Variants in RBFOX3 observed in about 807,000 individuals in gnomAD.
RBFOX3 encodes the protein RNA binding protein fox-1 homolog 3.
RBFOX3 carries 17 observed loss-of-function variants against 48.7 expected under a neutral mutation model. The ratio of observed to expected loss-of-function variants is 0.35; its 90% CI spans 0.24 to 0.52. The LOEUF is 0.52. RBFOX3 is among the 20% of genes least tolerant of loss of function. The pLI is 0.94. For missense variants in RBFOX3, 382 were observed against 497.5 expected (o/e 0.77, Z 2.21); for synonymous variants, 212 against 209.5 (o/e 1.01, Z -0.10).
intron 2 of RBFOX3, among the ~76,000 whole-genome samples, chr17:79,345,582 A>G (rs79118827): frequency 6.6e-6 from 1 of 152,170 alleles, no homozygotes; most frequent in Non-Finnish European, 1.5e-5. Flanking sequence ...GAGGTTAAAC[A>G]TCTCTTTTTA....
At chr17:79,102,609 G>A (rs1476284326) in intron 8 of RBFOX3, among the ~76,000 whole-genome samples, 4 of 152,222 alleles carry the variant, frequency 2.6e-5, no homozygotes, top group African/African-American at 9.6e-5. Context: ...GGGTGTCAGG[G>A]AGGGACCCAG....
At chr17:79,436,391 G>GAGT (rs2069459357) in intron 2 of RBFOX3, among the ~76,000 whole-genome samples, 1 of 152,260 alleles carries the variant, frequency 6.6e-6, no homozygotes, top group Non-Finnish European at 1.5e-5. Context: ...ACCTAAGCAT[G>GAGT]AGTACGGTTG....
intron 3 of RBFOX3, among the ~76,000 whole-genome samples, chr17:79,287,987 C>T (rs1005549790): frequency 6.6e-6 from 1 of 152,206 alleles, no homozygotes; most frequent in African/African-American, 2.4e-5. Flanking sequence ...GCTGCAACCC[C>T]TCTCGGGCTC....
chr17:79,202,398 C>T (rs902035427), intron 4 of RBFOX3, among the ~76,000 whole-genome samples: 7 of 152,150 alleles, frequency 4.6e-5, no homozygotes, highest in Admixed American at 2.0e-4. Flanking sequence ...TCTGTGCTCA[C>T]GGCAGACCAC....
chr17:79,237,100 C>T (rs150868876), intron 3 of RBFOX3, among the ~76,000 whole-genome samples: 210 of 152,274 alleles, frequency 1.4e-3, no homozygotes, highest in African/African-American at 4.9e-3. Context: ...AAAGAATATC[C>T]ATACCTGTTA....
chr17:79,407,920 C>T (rs2063759591), intron 2 of RBFOX3, among the ~76,000 whole-genome samples: 1 of 152,218 alleles, frequency 6.6e-6, no homozygotes. Flanking sequence ...CCAGCACTGG[C>T]CTGGAGTCGG....
rs1453588077 is a variant in RBFOX3 at position 79,390,495 on chromosome 17, T to A, written c.-174-82671A>T. Among the ~76,000 whole-genome samples the A allele has an allele frequency of 1.4e-5, 2 of 139,584 alleles. No individual in the cohort carries two copies. The highest frequency in any genetic ancestry group is 2.6e-5 in the African/African-American group (1 of 38,444). The allele number at this position is 139,584 out of a possible 152,430, so 91.6% of individuals were successfully genotyped here. A position where few individuals can be genotyped will look rare whatever the true frequency, so the allele number is the denominator to read the frequency against. ...CGCCACTGCTTTTTTTTTTTTTTTT[T>A]AGATGGAGTCTCGCTCTTGTCGCCC... On this transcript the variant is annotated intron_variant, in intron 2 of 14. Coordinates refer to ENST00000693108, the MANE Select transcript of RBFOX3 (RefSeq NM_001350451.2). The surrounding 1 kb of genome is among the most constrained non-coding windows in gnomAD (Gnocchi z 4.2).
upstream of RBFOX3, among the ~76,000 whole-genome samples, chr17:79,614,879 C>T (rs2093988006): frequency 6.6e-6 from 1 of 151,936 alleles, no homozygotes; most frequent in East Asian, 1.9e-4. Flanking sequence ...TCACGAGGCT[C>T]AACACAAAAG....
At chr17:79,519,352 C>T (rs888612993) in intron 1 of RBFOX3, among the ~76,000 whole-genome samples, 1 of 152,236 alleles carries the variant, frequency 6.6e-6, no homozygotes, top group Non-Finnish European at 1.5e-5. Context: ...AAAGGTGTGT[C>T]CTGCAAGTCC....
chr17:79,302,497 T>G (rs892429138), intron 3 of RBFOX3, among the ~76,000 whole-genome samples: 1 of 152,202 alleles, frequency 6.6e-6, no homozygotes, highest in East Asian at 1.9e-4. Context: ...CTGGCCAACA[T>G]GGTGAAACCC....
intron 2 of RBFOX3, among the ~76,000 whole-genome samples, chr17:79,393,299 C>A (rs553368591): frequency 2.6e-4 from 40 of 152,250 alleles, no homozygotes; most frequent in Non-Finnish European, 5.7e-4. Context: ...ACACCCCAAC[C>A]CCACACTTCC....
intron 4 of RBFOX3, among the ~76,000 whole-genome samples, chr17:79,154,656 G>A (rs567214173): frequency 1.3e-5 from 2 of 152,340 alleles, no homozygotes; most frequent in East Asian, 1.9e-4. Flanking sequence ...CGCCCTGCCC[G>A]GTCCCCACGT....
In RBFOX3 at chr17:79,107,759, C is replaced by T. The variant is rs372511339; in HGVS notation, c.223-971G>A. Among the ~76,000 whole-genome samples the T allele has an allele frequency of 3.3e-5, 5 of 152,366 alleles. No homozygotes were observed. In the South Asian group the frequency reaches 8.3e-4, roughly 25 times the overall value. On this transcript the variant is annotated intron_variant, in intron 5 of 14. Coordinates refer to ENST00000693108, the MANE Select transcript of RBFOX3 (RefSeq NM_001350451.2). ...CCTCTACAGGCCAGTTCCATGGATGCAGCCAAACCGCAGGTGCCAGCCTCG... is the reference window on the plus strand; with the variant it reads ...CCTCTACAGGCCAGTTCCATGGATGTAGCCAAACCGCAGGTGCCAGCCTCG...
intron 1 of RBFOX3, among the ~76,000 whole-genome samples, chr17:79,543,616 G>A (rs1301454178): frequency 6.6e-6 from 1 of 152,144 alleles, no homozygotes; most frequent in Non-Finnish European, 1.5e-5. Flanking sequence ...CCGAGGAAAA[G>A]GAATAAACAA....
At chr17:79,590,156 T>C (rs1330623728) in intron 1 of RBFOX3, among the ~76,000 whole-genome samples, 1 of 151,992 alleles carries the variant, frequency 6.6e-6, no homozygotes, top group Non-Finnish European at 1.5e-5. Context: ...CACACACTTC[T>C]TTACCATCCC....
At chr17:79,092,330 A>G in intron 14 of RBFOX3, 1 of 985,560 alleles carries the variant, frequency 1.0e-6, no homozygotes, top group Non-Finnish European at 1.2e-6. Context: ...GTAGTACAAC[A>G]TCAACAAAGT....
At chr17:79,237,626 T>A (rs905792909) in intron 3 of RBFOX3, among the ~76,000 whole-genome samples, 1 of 152,200 alleles carries the variant, frequency 6.6e-6, no homozygotes, top group Non-Finnish European at 1.5e-5. Context: ...CAGATCACAG[T>A]GGCAGTATTG....
chr17:79,177,209 T>TCCCC (rs58684385), intron 4 of RBFOX3, among the ~76,000 whole-genome samples: 5 of 149,732 alleles, frequency 3.3e-5, no homozygotes, highest in African/African-American at 1.2e-4. Context: ...CCTCCTCCTC[T>TCCCC]CCCCCCCCGC....
chr17:79,090,950 G>A (rs1258177717), intron 14 of RBFOX3, 65 bp from the exon 15 acceptor site: 37 of 1,501,638 alleles, frequency 2.5e-5, no homozygotes, highest in South Asian at 2.4e-4. Context: ...GTGTGAAGGC[G>A]ACAGGACCAC....
Sources: allele counts gnomAD v4.1 joint callset (sites outside exome capture counted in the v4.1 genomes callset), GRCh38; gene constraint gnomAD v4.1.1; non-coding constraint Gnocchi (gnomAD v3.1); transcripts MANE v1.5; gene names NCBI Gene and HGNC (gene_info 2026-07-23, HGNC 2026-07-21).